The following MTHFD2L variants were observed in gnomAD, a reference collection of about 807,000 sequenced individuals.
MTHFD2L encodes bifunctional methylenetetrahydrofolate dehydrogenase/cyclohydrolase 2, mitochondrial.
A neutral mutation model predicts 34.9 loss-of-function variants in MTHFD2L; 29 were observed. The ratio of observed to expected loss-of-function variants is 0.83; its 90% confidence interval spans 0.62 to 1.13. The LOEUF (loss-of-function observed/expected upper bound fraction) is 1.13. Ranked by LOEUF, MTHFD2L falls within the 50% of genes most tolerant of loss-of-function variation. The pLI is 0.00. For synonymous variants in MTHFD2L, 167 were observed against 155.7 expected, an observed-to-expected ratio of 1.07 and a Z score of -0.54; for missense variants, 481 against 446.5, an observed-to-expected ratio of 1.08 and a Z score of -0.70.
At chr4:74,123,592 C>T (rs1721867399), upstream of MTHFD2L, among the ~76,000 whole-genome samples, 1 of 152,092 alleles carries the variant, frequency 6.6e-6, no homozygotes, top group African/African-American at 2.4e-5. Flanking sequence ...GGGCCTTAGA[C>T]ATTTTTACCT....
intron 6 of MTHFD2L, among the ~76,000 whole-genome samples, chr4:74,278,628 A>G (rs1747001563): frequency 6.6e-6 from 1 of 152,072 alleles, no homozygotes; most frequent in African/African-American, 2.4e-5. Flanking sequence ...TGATCAGTCT[A>G]TTATGGCCTC....
chr4:74,249,698 C>G lies in MTHFD2L; in HGVS notation c.805+24304C>G, dbSNP rs181920898. 2.6e-5 allele frequency among the ~76,000 whole-genome samples: 4 copies of G among 152,174 alleles called. No homozygotes were observed. The East Asian group carries it at 7.7e-4, about 29-fold the overall frequency. ...CTGGTGGTGACAAAATCTCTCAGCA[C>G]TTGCTTGTCTGTAAAGTATTTTATT... On this transcript the variant is annotated intron_variant, in intron 6 of 7. Coordinates refer to ENST00000325278, the MANE Select transcript of MTHFD2L (RefSeq NM_001144978.3).
In MTHFD2L at chr4:74,287,013, A is replaced by C. The variant is rs112648283; in HGVS notation, c.931+5463A>C. Among the ~76,000 whole-genome samples the C allele has an allele frequency of 5.6e-3, 847 of 152,316 alleles. 4 individuals are homozygous for C. The highest frequency in any genetic ancestry group is 0.02 in the African/African-American group (811 of 41,578). ...TGACTTTCCTCTCTCTACTGTCTTA[A>C]CATAATTGGATAGTAAAATTTAAAG... is the stretch of plus-strand genomic sequence containing the variant. On this transcript the variant is annotated intron_variant, in intron 7 of 7. Transcript: ENST00000325278.
At chr4:74,256,254 C>T (rs565246252) in intron 6 of MTHFD2L, among the ~76,000 whole-genome samples, 6 of 152,156 alleles carry the variant, frequency 3.9e-5, no homozygotes, top group East Asian at 1.9e-4. Flanking sequence ...GGACTACAGG[C>T]GCATGCCACC....
intron 7 of MTHFD2L, among the ~76,000 whole-genome samples, chr4:74,300,192 T>C (rs1013061135): frequency 4.6e-5 from 7 of 152,028 alleles, no homozygotes; most frequent in African/African-American, 1.4e-4. Context: ...TTCCAAATCA[T>C]AGTATTCTTA....
upstream of MTHFD2L, among the ~76,000 whole-genome samples, chr4:74,120,099 G>T (rs1006634373): frequency 1.3e-5 from 2 of 152,208 alleles, no homozygotes; most frequent in Non-Finnish European, 2.9e-5. Flanking sequence ...CATTGCTAAA[G>T]TTAAGAAGCC....
intron 6 of MTHFD2L, among the ~76,000 whole-genome samples, chr4:74,255,049 C>T (rs952617493): frequency 7.0e-6 from 1 of 142,094 alleles, no homozygotes; most frequent in Non-Finnish European, 1.5e-5. Context: ...GCAGGAGAAT[C>T]GCTTGAACCA....
At chr4:74,257,099 AC>A (rs1334967721) in intron 6 of MTHFD2L, among the ~76,000 whole-genome samples, 2 of 152,100 alleles carry the variant, frequency 1.3e-5, no homozygotes, top group Non-Finnish European at 2.9e-5. Context: ...TGAGCACAGA[AC>A]TTTTTCCCAT....
intron 1 of MTHFD2L, among the ~76,000 whole-genome samples, chr4:74,163,866 T>TTTTG (rs1241331866): frequency 4.2e-4 from 64 of 152,220 alleles, no homozygotes; most frequent in African/African-American, 1.1e-3. Context: ...TTTCGTCTTT[T>TTTTG]TTTGTTTGTT....
At chr4:74,193,465 A>C (rs997696010) in intron 3 of MTHFD2L, among the ~76,000 whole-genome samples, 1 of 152,208 alleles carries the variant, frequency 6.6e-6, no homozygotes, top group African/African-American at 2.4e-5. Context: ...TTAAGAATCT[A>C]ACAAAAAACG....
chr4:74,136,266 G>A (rs1368803891), intron 1 of MTHFD2L, among the ~76,000 whole-genome samples: 2 of 151,930 alleles, frequency 1.3e-5, no homozygotes, highest in Admixed American at 6.6e-5. Context: ...ACTCATACAG[G>A]AATTTAGTAA....
chr4:74,117,670 C>T (rs1560396587), intron 2 of MTHFD2L, among the ~76,000 whole-genome samples: 1 of 152,216 alleles, frequency 6.6e-6, no homozygotes, highest in African/African-American at 2.4e-5. Flanking sequence ...ACTCAGTGGC[C>T]TGAAAGTCCA....
At chr4:74,158,313 C>T in intron 1 of MTHFD2L, 32 bp downstream of exon 1, 3 of 1,242,948 alleles carry the variant, frequency 2.4e-6, no homozygotes, top group East Asian at 3.3e-5. Context: ...GGTGCGGAGC[C>T]GCTGGCGGTG....
At chr4:74,148,387 ATTTATCTATCT>A (rs1723731628) in intron 1 of MTHFD2L, among the ~76,000 whole-genome samples, 1 of 41,834 alleles carries the variant, frequency 2.4e-5, no homozygotes, top group African/African-American at 8.8e-5. Context: ...TTATTTATTT[ATTTATCTATCT>A]ATCTATTTAG....
At chr4:74,274,657 G>A (rs1746389780) in intron 6 of MTHFD2L, among the ~76,000 whole-genome samples, 2 of 152,194 alleles carry the variant, frequency 1.3e-5, no homozygotes, top group Non-Finnish European at 2.9e-5. Context: ...TAGCATGGGT[G>A]AGAACTGCAT....
At chr4:74,199,437 A>T (rs1734031868) in intron 3 of MTHFD2L, among the ~76,000 whole-genome samples, 1 of 152,212 alleles carries the variant, frequency 6.6e-6, no homozygotes, top group African/African-American at 2.4e-5. Flanking sequence ...CTTGTGTCAT[A>T]GAAATGTGGA....
At chr4:74,284,535 T>G (rs550125019) in intron 7 of MTHFD2L, among the ~76,000 whole-genome samples, 16 of 152,044 alleles carry the variant, frequency 1.1e-4, no homozygotes, top group East Asian at 3.9e-4. Context: ...TTGTTTGTTT[T>G]TTTTTTTCTT....
intron 1 of MTHFD2L, among the ~76,000 whole-genome samples, chr4:74,135,902 G>T (rs1359470371): frequency 1.3e-5 from 2 of 151,982 alleles, no homozygotes; most frequent in East Asian, 3.8e-4. Flanking sequence ...TGCCATAAAG[G>T]TAAAGGCATT....
chr4:74,281,822 A>G (rs1747525803), intron 7 of MTHFD2L, among the ~76,000 whole-genome samples: 1 of 151,914 alleles, frequency 6.6e-6, no homozygotes, highest in Non-Finnish European at 1.5e-5. Flanking sequence ...CTTATAGTAC[A>G]GTTTTTATTG....
Sources: gnomAD v4.1 joint callset for allele counts (sites outside exome capture counted in the v4.1 genomes callset) on GRCh38, gnomAD v4.1.1 for gene constraint, MANE v1.5 for transcripts, NCBI Gene and HGNC (gene_info 2026-07-23, HGNC 2026-07-21) for gene names.